ZNF385D: variants seen among roughly 807,000 people sequenced by gnomAD.
ZNF385D encodes the protein zinc finger protein 659.
Under a neutral mutation model 35.8 loss-of-function variants are expected in ZNF385D, and 15 were observed. The observed-to-expected ratio is 0.42, with a 90% CI of 0.28 to 0.64. The LOEUF (loss-of-function observed/expected upper bound fraction) is 0.64. Ranked by LOEUF, ZNF385D falls within the 30% of genes least tolerant of loss-of-function variation. ZNF385D has a pLI of 0.23. For missense variants in ZNF385D, 474 were observed against 494.6 expected (o/e 0.96, Z 0.39); for synonymous variants, 212 against 186.8 (o/e 1.13, Z -1.10).
intron 4 of ZNF385D, among the ~76,000 whole-genome samples, chr3:21,504,459 A>C (rs1706621398): frequency 6.6e-6 from 1 of 152,146 alleles, no homozygotes; most frequent in Admixed American, 6.6e-5. Flanking sequence ...AGAAACACAA[A>C]ACTGATTGTT....
chr3:22,271,209 A>G (rs1403602124), intron 2 of ZNF385D, among the ~76,000 whole-genome samples: 1 of 129,784 alleles, frequency 7.7e-6, no homozygotes, highest in Non-Finnish European at 1.7e-5. Flanking sequence ...TTGAGCTATT[A>G]TAGTCAGGAG....
At chr3:21,631,878 C>A (rs571774500) in intron 2 of ZNF385D, among the ~76,000 whole-genome samples, 1 of 152,106 alleles carries the variant, frequency 6.6e-6, no homozygotes, top group Non-Finnish European at 1.5e-5. Flanking sequence ...GCAATCTCAT[C>A]ATGTTCCTGG....
intron 3 of ZNF385D, among the ~76,000 whole-genome samples, chr3:22,022,040 G>A (rs1237096277): frequency 2.0e-5 from 3 of 152,204 alleles, no homozygotes; most frequent in East Asian, 3.9e-4. Flanking sequence ...TAACAGCACT[G>A]AATTTGAAGC....
chr3:21,792,711 G>C (rs193123844), intron 3 of ZNF385D, among the ~76,000 whole-genome samples: 1 of 151,992 alleles, frequency 6.6e-6, no homozygotes, highest in Non-Finnish European at 1.5e-5. Context: ...GTCATTTCCC[G>C]TCCTGCTCAC....
Position 21,417,803 on chromosome 3 carries a change from T to A in ZNF385D, c.*3411A>T, listed in dbSNP as rs1700583055. ...TAACTAGTTTCTTGGCAACAAAATA[T>A]GTAGCACCTTTAGAAAAACCAAATT... On this transcript the variant is annotated 3_prime_UTR_variant, in exon 8 of 8. Coordinates refer to ENST00000281523, the MANE Select transcript of ZNF385D (RefSeq NM_024697.3). 1 of 152,166 alleles carries A rather than the reference T, an allele frequency of 6.6e-6. No homozygotes were observed. 9.4% of individuals were successfully genotyped at this position (152,166 alleles called of 1,614,324 possible).
At chr3:21,994,336 T>C (rs776041151) in intron 3 of ZNF385D, among the ~76,000 whole-genome samples, 2 of 152,218 alleles carry the variant, frequency 1.3e-5, no homozygotes, top group Non-Finnish European at 2.9e-5. Context: ...AGTTTATCTA[T>C]TGTACTTGTT....
chr3:21,508,376 T>A (rs1706945868), intron 4 of ZNF385D, among the ~76,000 whole-genome samples: 1 of 152,114 alleles, frequency 6.6e-6, no homozygotes, highest in Non-Finnish European at 1.5e-5. Context: ...TGCCAAGGGG[T>A]GGGGTGGGGG....
chr3:21,461,751 T>C (rs1168595638), intron 4 of ZNF385D, among the ~76,000 whole-genome samples: 2 of 152,350 alleles, frequency 1.3e-5, no homozygotes, highest in Non-Finnish European at 2.9e-5. Context: ...TCATACACTA[T>C]CAACTTGTAG....
intron 3 of ZNF385D, among the ~76,000 whole-genome samples, chr3:21,797,987 A>C (rs983696995): frequency 1.3e-5 from 2 of 152,166 alleles, no homozygotes; most frequent in African/African-American, 4.8e-5. Context: ...AAAATGTACA[A>C]CACCAACAGT....
At chr3:21,767,356 T>C (rs9864800) in intron 3 of ZNF385D, among the ~76,000 whole-genome samples, 59,228 of 147,538 alleles carry the variant, frequency 0.4, 11,623 homozygotes, top group Middle Eastern at 0.55. Context: ...CTGCCACTTG[T>C]CTCTGACAAA....
intron 3 of ZNF385D, chr3:21,959,007 T>C (rs1169202832): frequency 1.3e-5 from 2 of 152,170 alleles, no homozygotes; most frequent in South Asian, 2.1e-4. Context: ...TCTACTGGGA[T>C]TGTAGCATAA....
intron 2 of ZNF385D, among the ~76,000 whole-genome samples, chr3:22,216,606 A>C (rs150898907): frequency 6.6e-6 from 1 of 152,266 alleles, no homozygotes; most frequent in Non-Finnish European, 1.5e-5. Context: ...TAAAAAGTTC[A>C]TAAAAGGGAT....
At chr3:21,548,635 T>A (rs1333389574) in intron 3 of ZNF385D, among the ~76,000 whole-genome samples, 1 of 152,220 alleles carries the variant, frequency 6.6e-6, no homozygotes, top group African/African-American at 2.4e-5. Flanking sequence ...TTTTTAAATA[T>A]GTTTCTATAT....
At chr3:22,183,804 T>C (rs566959023) in intron 2 of ZNF385D, among the ~76,000 whole-genome samples, 1 of 152,210 alleles carries the variant, frequency 6.6e-6, no homozygotes, top group South Asian at 2.1e-4. Flanking sequence ...CTTAGAACTA[T>C]TAGTTATTTT....
At chr3:22,249,127 T>C (rs1490452619) in intron 2 of ZNF385D, among the ~76,000 whole-genome samples, 1 of 152,130 alleles carries the variant, frequency 6.6e-6, no homozygotes, top group Non-Finnish European at 1.5e-5. Context: ...TCCAGACTCT[T>C]GGACTAGATA....
intron 1 of ZNF385D, among the ~76,000 whole-genome samples, chr3:21,742,829 A>G (rs918716053): frequency 6.6e-6 from 1 of 152,176 alleles, no homozygotes; most frequent in Non-Finnish European, 1.5e-5. Context: ...AATTATCTAC[A>G]TTAAATTATT....
chr3:22,038,502 G>A (rs1698471171), intron 3 of ZNF385D, among the ~76,000 whole-genome samples: 1 of 151,970 alleles, frequency 6.6e-6, no homozygotes, highest in Admixed American at 6.6e-5. Context: ...AGGTAGCATT[G>A]GCAAATGTTA....
chr3:22,235,374 G>A (rs1699120039), intron 2 of ZNF385D, among the ~76,000 whole-genome samples: 1 of 152,070 alleles, frequency 6.6e-6, no homozygotes, highest in African/African-American at 2.4e-5. Context: ...GGTAAAGTAA[G>A]GCTGATTGCA....
intron 3 of ZNF385D, among the ~76,000 whole-genome samples, chr3:22,085,571 G>A (rs1700986605): frequency 6.6e-6 from 1 of 152,152 alleles, no homozygotes; most frequent in Non-Finnish European, 1.5e-5. Flanking sequence ...CTCTGAAATT[G>A]AGGCAATAAT....
Sources: allele counts gnomAD v4.1 joint callset (sites outside exome capture counted in the v4.1 genomes callset), GRCh38; gene constraint gnomAD v4.1.1; transcripts MANE v1.5; gene names NCBI Gene and HGNC (gene_info 2026-07-23, HGNC 2026-07-21).